Variants in MAGI2 observed in about 807,000 individuals in gnomAD.
MAGI2 encodes membrane-associated guanylate kinase, WW and PDZ domain-containing protein 2.
In MAGI2, 35 loss-of-function variants were observed where a neutral mutation model predicts 133.3. That is an observed-to-expected ratio of 0.26 (90% CI 0.20 to 0.35). The LOEUF is 0.35. MAGI2 is among the 10% of genes least tolerant of loss of function. The pLI is 1.00. For missense variants in MAGI2, 1,636 were observed against 1,863.4 expected (o/e 0.88, Z 2.25); for synonymous variants, 729 against 710.6 (o/e 1.03, Z -0.41).
intron 21 of MAGI2, among the ~76,000 whole-genome samples, chr7:78,044,499 A>G (rs3823803): frequency 0.058 from 8,906 of 152,278 alleles, 317 homozygotes; most frequent in South Asian, 0.078. Flanking sequence ...GAGTTTTAGT[A>G]TAGCTTTTTG....
intron 2 of MAGI2, among the ~76,000 whole-genome samples, chr7:78,989,928 T>TG (rs1466385997): frequency 6.6e-6 from 1 of 152,158 alleles, no homozygotes; most frequent in East Asian, 1.9e-4. Flanking sequence ...ACTGAAAAAA[T>TG]GTTCGCTCAA....
chr7:78,353,180 C>A (rs714437), intron 7 of MAGI2, among the ~76,000 whole-genome samples: 74,742 of 152,080 alleles, frequency 0.49, 19,188 homozygotes, highest in Middle Eastern at 0.59. Context: ...ATAGAATAGG[C>A]TTTAGCTAAA....
At chr7:78,915,445 TA>T (rs1211997883) in intron 2 of MAGI2, among the ~76,000 whole-genome samples, 2 of 151,982 alleles carry the variant, frequency 1.3e-5, no homozygotes, top group African/African-American at 4.8e-5. Flanking sequence ...AAGATGCATA[TA>T]AATAAAATTA....
intron 1 of MAGI2, among the ~76,000 whole-genome samples, chr7:79,451,283 A>G (rs1333072623): frequency 6.6e-6 from 1 of 152,226 alleles, no homozygotes; most frequent in East Asian, 1.9e-4. Context: ...GTTCCATGAC[A>G]AATATCAAGC....
chr7:78,497,956 G>T (rs1315717788), intron 5 of MAGI2, among the ~76,000 whole-genome samples: 26 of 152,112 alleles, frequency 1.7e-4, no homozygotes, highest in Non-Finnish European at 5.9e-5. Context: ...TTTTACTGAT[G>T]TCAGCACTTC....
At chr7:79,279,208 C>T (rs1023056688) in intron 1 of MAGI2, among the ~76,000 whole-genome samples, 1 of 152,090 alleles carries the variant, frequency 6.6e-6, no homozygotes, top group Non-Finnish European at 1.5e-5. Context: ...AAACGTCCCT[C>T]ACTTATTTCT....
At chr7:79,246,091 C>T (rs1026134280) in intron 1 of MAGI2, among the ~76,000 whole-genome samples, 3 of 152,186 alleles carry the variant, frequency 2.0e-5, no homozygotes, top group Non-Finnish European at 4.4e-5. Context: ...AGGGTGCCCC[C>T]TAATGCAGAT....
chr7:79,090,067 T>A (rs1816918657), intron 1 of MAGI2, among the ~76,000 whole-genome samples: 1 of 152,032 alleles, frequency 6.6e-6, no homozygotes, highest in African/African-American at 2.4e-5. Context: ...TGCCAGAGAA[T>A]CAATTGCATT....
At chr7:78,200,752 G>C (rs1485971500) in intron 11 of MAGI2, among the ~76,000 whole-genome samples, 1 of 151,980 alleles carries the variant, frequency 6.6e-6, no homozygotes, top group Non-Finnish European at 1.5e-5. Flanking sequence ...AATATATACA[G>C]AGTTAAATTT....
At chr7:79,415,413 C>A (rs1041547953) in intron 1 of MAGI2, 5 of 152,188 alleles carry the variant, frequency 3.3e-5, no homozygotes, top group Admixed American at 3.3e-4. Flanking sequence ...CTGATGGACC[C>A]ATCAAGCAGG....
chr7:79,296,400 C>G (rs1335842401), intron 1 of MAGI2, among the ~76,000 whole-genome samples: 1 of 152,142 alleles, frequency 6.6e-6, no homozygotes. Context: ...TTTATTGTGG[C>G]ACTATTCATA....
chr7:78,716,645 G>A (rs1021626032), intron 2 of MAGI2, among the ~76,000 whole-genome samples: 3 of 152,096 alleles, frequency 2.0e-5, no homozygotes, highest in African/African-American at 7.2e-5. Context: ...TGCTGAGCAC[G>A]CTGATTTTTA....
At chr7:78,921,318 G>A (rs1799204040) in intron 2 of MAGI2, among the ~76,000 whole-genome samples, 1 of 152,068 alleles carries the variant, frequency 6.6e-6, no homozygotes, top group African/African-American at 2.4e-5. Context: ...AGTAAAAAAT[G>A]GCTTCTTGAC....
At chr7:79,166,010 G>A (rs888089947) in intron 1 of MAGI2, among the ~76,000 whole-genome samples, 1 of 151,932 alleles carries the variant, frequency 6.6e-6, no homozygotes, top group Non-Finnish European at 1.5e-5. Flanking sequence ...CAACCATGTA[G>A]GGAAAAATCT....
chr7:78,661,291 G>A (rs1351545758), intron 2 of MAGI2, among the ~76,000 whole-genome samples: 2 of 151,836 alleles, frequency 1.3e-5, no homozygotes, highest in Non-Finnish European at 2.9e-5. Flanking sequence ...TTATCAGTTT[G>A]GGTGTCACCT....
At chr7:78,648,300 AC>A (rs1386675708) in intron 2 of MAGI2, among the ~76,000 whole-genome samples, 14 of 152,260 alleles carry the variant, frequency 9.2e-5, no homozygotes, top group African/African-American at 3.1e-4. Flanking sequence ...ACAAGGAAAA[AC>A]CGAAAAATAA....
intron 21 of MAGI2, among the ~76,000 whole-genome samples, chr7:78,058,670 T>C (rs1812912685): frequency 6.6e-6 from 1 of 152,064 alleles, no homozygotes; most frequent in Admixed American, 6.6e-5. Context: ...ATTACAGGCG[T>C]GAGCTACCAC....
At chr7:78,192,825 G>A (rs1828365186) in intron 12 of MAGI2, among the ~76,000 whole-genome samples, 1 of 152,162 alleles carries the variant, frequency 6.6e-6, no homozygotes, top group African/African-American at 2.4e-5. Flanking sequence ...GCTGATGAAA[G>A]CAGGAAGGGG....
chr7:78,048,052 T>G (rs1811616180), intron 21 of MAGI2, among the ~76,000 whole-genome samples: 1 of 152,214 alleles, frequency 6.6e-6, no homozygotes. Context: ...CAGCTGTGGC[T>G]TATTAATCTT....
Sources: gnomAD v4.1 joint callset for allele counts (sites outside exome capture counted in the v4.1 genomes callset) on GRCh38, gnomAD v4.1.1 for gene constraint, MANE v1.5 for transcripts, NCBI Gene and HGNC (gene_info 2026-07-23, HGNC 2026-07-21) for gene names.